The following LOC400499 variants were observed in gnomAD, a reference collection of about 807,000 sequenced individuals.
the LOC400499 span, among the ~76,000 whole-genome samples, chr16:11,526,388 A>G: frequency 6.6e-6 from 1 of 152,346 alleles, no homozygotes; most frequent in East Asian, 1.9e-4. Context: ...CGTCTCCACA[A>G]AAAATATTTT....
chr16:11,386,805 G>A, the LOC400499 span, among the ~76,000 whole-genome samples: 1 of 152,238 alleles, frequency 6.6e-6, no homozygotes, highest in African/African-American at 2.4e-5. Context: ...TCTGACCGGC[G>A]AGTCTGAAGT....
chr16:11,526,084 CCAGA>C, the LOC400499 span, among the ~76,000 whole-genome samples: 1 of 152,186 alleles, frequency 6.6e-6, no homozygotes. Context: ...CTATAGCATG[CCAGA>C]CAGTGTTCTA....
chr16:11,401,398 G>A, the LOC400499 span: 1 of 399,786 alleles, frequency 2.5e-6, no homozygotes, highest in Non-Finnish European at 4.4e-6. Context: ...GGGAGGAGGA[G>A]ACCAGCACCT....
the LOC400499 span, among the ~76,000 whole-genome samples, chr16:11,389,235 G>A: frequency 1.3e-5 from 2 of 152,196 alleles, no homozygotes; most frequent in African/African-American, 4.8e-5. Context: ...CCGTTTCATA[G>A]GATCCACCCC....
At chr16:11,498,494 T>C in the LOC400499 span, among the ~76,000 whole-genome samples, 4 of 95,752 alleles carry the variant, frequency 4.2e-5, no homozygotes, top group Non-Finnish European at 2.3e-5. Context: ...AAAATAATAA[T>C]GATTAAATAA....
the LOC400499 span, among the ~76,000 whole-genome samples, chr16:11,502,555 A>C: frequency 2.6e-5 from 4 of 152,038 alleles, no homozygotes; most frequent in Non-Finnish European, 5.9e-5. Context: ...TATTCTAATG[A>C]GTCTTAGCAT....
chr16:11,394,971 G>A, the LOC400499 span, among the ~76,000 whole-genome samples: 3 of 152,210 alleles, frequency 2.0e-5, no homozygotes, highest in African/African-American at 7.2e-5. Flanking sequence ...CGAATGCAGG[G>A]TGCTTACTAA....
At chr16:11,518,336 GCCA>G in the LOC400499 span, among the ~76,000 whole-genome samples, 2 of 152,154 alleles carry the variant, frequency 1.3e-5, no homozygotes, top group Admixed American at 6.5e-5. Context: ...GAGCTTTGAG[GCCA>G]CCGAGGCCCT....
chr16:11,491,653 A>ACCCCCC, the LOC400499 span: 1 of 256,068 alleles, frequency 3.9e-6, no homozygotes, highest in Non-Finnish European at 7.3e-6. Context: ...GTGCCCTCCC[A>ACCCCCC]GCCCCACCCC....
the LOC400499 span, chr16:11,404,721 CTGGTGGGCTTGGGG>C: frequency 2.5e-6 from 1 of 399,064 alleles, no homozygotes; most frequent in East Asian, 3.6e-5. Context: ...GCTGAGGTTC[CTGGTGGGCTTGGGG>C]AAAGGCCCAG....
chr16:11,451,574 A>C, the LOC400499 span, among the ~76,000 whole-genome samples: 14 of 148,112 alleles, frequency 9.5e-5, no homozygotes, highest in African/African-American at 2.8e-4. Context: ...AAACAAACAA[A>C]CAAACAAAAA....
At chr16:11,527,162 A>G in the LOC400499 span, among the ~76,000 whole-genome samples, 1 of 152,174 alleles carries the variant, frequency 6.6e-6, no homozygotes, top group African/African-American at 2.4e-5. Flanking sequence ...GAGGAGTCCC[A>G]CGGGGGCCGG....
At chr16:11,392,668 C>T in the LOC400499 span, 4 of 600,076 alleles carry the variant, frequency 6.7e-6, no homozygotes, top group South Asian at 1.4e-4. Context: ...CCACCTGAAG[C>T]CCCCTCTTCT....
the LOC400499 span, among the ~76,000 whole-genome samples, chr16:11,411,879 T>C: frequency 6.6e-6 from 1 of 150,606 alleles, no homozygotes; most frequent in Admixed American, 6.6e-5. Flanking sequence ...CCTTCTTCAC[T>C]AGAGACAGGG....
At chr16:11,507,210 G>A in the LOC400499 span, among the ~76,000 whole-genome samples, 1 of 152,204 alleles carries the variant, frequency 6.6e-6, no homozygotes, top group African/African-American at 2.4e-5. Context: ...AACGGTTAGA[G>A]CACAGGCCAC....
the LOC400499 span, chr16:11,502,184 C>T: frequency 2.0e-5 from 8 of 398,832 alleles, no homozygotes; most frequent in Non-Finnish European, 3.1e-5. Context: ...CCATGGCCTG[C>T]GATTCAGAGG....
chr16:11,514,993 C>A, the LOC400499 span, among the ~76,000 whole-genome samples: 1 of 151,422 alleles, frequency 6.6e-6, no homozygotes, highest in Non-Finnish European at 1.5e-5. Flanking sequence ...GAGACAGAGG[C>A]GGGGAGGAGG....
the LOC400499 span, among the ~76,000 whole-genome samples, chr16:11,520,423 G>A: frequency 1.3e-4 from 20 of 152,236 alleles, no homozygotes; most frequent in Non-Finnish European, 2.2e-4. Flanking sequence ...TTGGGAGGCC[G>A]AGGTGGGCAG....
chr16:11,513,576 G>A, the LOC400499 span, among the ~76,000 whole-genome samples: 3 of 151,652 alleles, frequency 2.0e-5, no homozygotes, highest in Admixed American at 2.0e-4. Context: ...AATTACAGGC[G>A]CCCACCACTA....
Sources: allele counts gnomAD v4.1 joint callset (sites outside exome capture counted in the v4.1 genomes callset), GRCh38; gene constraint gnomAD v4.1.1; transcripts MANE v1.5.